ENO3: variants seen among roughly 807,000 people sequenced by gnomAD.
The protein encoded by ENO3 is beta-enolase.
ENO3 carries 46 observed loss-of-function variants against 47.7 expected under a neutral mutation model. The observed-to-expected ratio is 0.96, with a 90% CI of 0.76 to 1.23. The LOEUF (loss-of-function observed/expected upper bound fraction) is 1.23, where lower values mean the gene tolerates loss of function less well. Among genes scored for constraint, ENO3 ranks in the 50% most tolerant of loss-of-function variants. The pLI, the probability that ENO3 is intolerant of heterozygous loss-of-function variation, is 0.00. For synonymous variants in ENO3, 223 were observed against 225.9 expected (o/e 0.99, Z 0.11); for missense variants, 575 against 566.2 (o/e 1.02, Z -0.16).
intron 1 of ENO3, among the ~76,000 whole-genome samples, chr17:4,951,424 G>C (rs555076147): frequency 6.6e-6 from 1 of 152,154 alleles, no homozygotes; most frequent in Non-Finnish European, 1.5e-5. Flanking sequence ...GCTAGAGCTG[G>C]AACCTGATAG....
chr17:4,952,939 A>G (rs1446533640), intron 3 of ENO3, 49 bp downstream of exon 3: 1 of 1,610,314 alleles, frequency 6.2e-7, no homozygotes, highest in Non-Finnish European at 8.5e-7. Flanking sequence ...GCTTTAGGAC[A>G]TGGGTGCACA....
At chr17:4,953,937 A>G in intron 6 of ENO3, 92 bp downstream of exon 6, 2 of 1,590,306 alleles carry the variant, frequency 1.3e-6, no homozygotes, top group Admixed American at 3.4e-5. Flanking sequence ...TCCACCTTTC[A>G]GACCAGCTCC....
In ENO3 at chr17:4,952,248, C is replaced by T. The variant is rs555106562; in HGVS notation, c.85+334C>T. 6 of 388,122 alleles carry T rather than the reference C, an allele frequency of 1.5e-5. No individual in the cohort carries two copies. The Admixed American group carries it at 2.1e-4, about 14-fold the overall frequency. The allele number at this position is 388,122 out of a possible 1,614,324, so 24.0% of individuals were successfully genotyped here. A position where few individuals can be genotyped will look rare whatever the true frequency, so the allele number is the denominator to read the frequency against. ...CTGGAGTGCAGTGGTGCAATCTCAG[C>T]TCACTGCAACCTCTGCCTCCCGGGT... On this transcript the variant is annotated intron_variant, in intron 2 of 11. Coordinates refer to ENST00000519602, the MANE Select transcript of ENO3 (RefSeq NM_053013.4).
rs1218106205 is a variant in ENO3 at position 4,951,837 on chromosome 17, T to A, written c.8T>A (p.Met3Lys). The A allele has an allele frequency of 1.9e-6, 3 of 1,614,118 alleles. No individual in the cohort carries two copies. Among genetic ancestry groups the A allele is most frequent in the Non-Finnish European group, 2.5e-6 (3 of 1,179,982 alleles). ...ACCTCCTGTCCTGCAGCCATGGCCA[T>A]GCAGAAAATCTTTGCCCGGGAAATC... MA[M>K]QKIFAREILD... is the part of the protein sequence containing the mutation. Residue 3 changes from methionine (M) to lysine (K), a missense_variant, in exon 2 of 12, where the codon ATG (methionine) becomes AAG (lysine). By Grantham distance (95) the Met-to-Lys change is moderately conservative. Coordinates refer to ENST00000519602, the MANE Select transcript of ENO3 (RefSeq NM_053013.4).
chr17:4,954,675 G>A (rs767310300), intron 6 of ENO3, among the ~76,000 whole-genome samples: 11 of 152,196 alleles, frequency 7.2e-5, no homozygotes, highest in Admixed American at 2.0e-4. Context: ...AGCACTTCGG[G>A]AGGCCGAGGC....
At chr17:4,956,424 CTT>C in intron 9 of ENO3, 147 bp from the exon 10 acceptor site, 1 of 842,674 alleles carries the variant, frequency 1.2e-6, no homozygotes, top group South Asian at 1.4e-5. Context: ...CAAGATAAGT[CTT>C]TTCCTCTCCT....
At position 4,952,779 on chromosome 17, in the gene ENO3, A is replaced by G. The variant is rs747724047; in HGVS notation, c.86-16A>G. ...GCCCAGCCATCCCTGTGATCTTCCA[A>G]TTCCTCCTGTCCCAGGCCGATTCCG... On this transcript the variant is annotated splice_polypyrimidine_tract_variant and intron_variant, in intron 2 of 11. Coordinates refer to ENST00000519602, the MANE Select transcript of ENO3 (RefSeq NM_053013.4). The G allele has an allele frequency of 2.4e-5, 39 of 1,600,052 alleles. No individual in the cohort carries two copies. The highest frequency in any genetic ancestry group is 1.8e-4 in the South Asian group (16 of 89,218).
rs1409576141 is a variant in ENO3, at chr17:4,956,680, A to G, written c.1175A>G (p.Gln392Arg). ...ADLVVGLCTGQIKTGAPCRSE... is the reference protein window; with the variant it reads ...ADLVVGLCTGRIKTGAPCRSE... ...CTTGTGGTGGGGCTCTGCACAGGAC[A>G]GGTACTTGTAGCTTCTCTCTACTGA... The change falls in exon 10 of 12, where the codon CAG (glutamine) becomes CGG (arginine). Residue 392 changes from glutamine (Q) to arginine (R), a missense_variant and splice_region_variant. Coordinates refer to ENST00000519602, the MANE Select transcript of ENO3 (RefSeq NM_053013.4). 1 of 1,614,212 alleles carries G rather than the reference A, an allele frequency of 6.2e-7. No homozygotes were observed. Among genetic ancestry groups the G allele is most frequent in the Non-Finnish European group, 8.5e-7 (1 of 1,180,030 alleles).
rs777707393 is a variant in ENO3 at position 4,951,924 on chromosome 17, G to T, written c.85+10G>T. 1.9e-6 allele frequency: 3 copies of T among 1,614,084 alleles called. No homozygotes were observed. The highest frequency in any genetic ancestry group is 1.7e-5 in the Admixed American group (1 of 60,024). ...CTGCACACGGCCAAGGGTAACACAA[G>T]GCCCATTGGATAGGCTCGCCTCCGA... On this transcript the variant is annotated intron_variant, in intron 2 of 11. Transcript: ENST00000519602.
upstream of ENO3, chr17:4,950,690 G>A (rs1033311144): frequency 1.0e-6 from 1 of 983,836 alleles, no homozygotes; most frequent in Non-Finnish European, 1.2e-6. Flanking sequence ...TGAGGACAGA[G>A]GCCCGCCCAG....
In ENO3 at chr17:4,956,044, C is replaced by A; in HGVS notation, c.968C>A (p.Thr323Asn). The change falls in exon 9 of 12, where the codon ACC becomes AAC. Residue 323 changes from threonine to asparagine, a missense_variant. Thr to Asn is a moderately conservative substitution (Grantham distance 65, BLOSUM62 0). Transcript: ENST00000519602. ...IQIVGDDLTV[T>N]NPKRIAQAVE... ...ATTGTGGGGGATGACTTGACAGTCA[C>A]CAACCCCAAGAGGATTGCCCAGGCC... The A allele has an allele frequency of 6.2e-7, 1 of 1,614,072 alleles. No individual in the cohort carries two copies. The highest frequency in any genetic ancestry group is 8.5e-7 in the Non-Finnish European group (1 of 1,180,020).
At chr17:4,954,742 G>A (rs755854116) in intron 6 of ENO3, among the ~76,000 whole-genome samples, 5 of 151,904 alleles carry the variant, frequency 3.3e-5, no homozygotes, top group South Asian at 4.1e-4. Context: ...GTGAAACCCC[G>A]TCTCTACTAA....
Position 4,956,857 on chromosome 17 carries a change from G to A in ENO3, c.1203G>A (p.Ser401=), listed in dbSNP as rs1250186285. Reference sequence around the variant, plus strand: ...TCAAGACTGGCGCCCCCTGCCGCTCGGAGCGTCTGGCCAAATACAACCAAC... The same window carrying A: ...TCAAGACTGGCGCCCCCTGCCGCTCAGAGCGTCTGGCCAAATACAACCAAC... ...GQIKTGAPCR[S]ERLAKYNQLM... The change falls in exon 11 of 12, where the codon TCG becomes TCA. Residue 401 remains serine, a synonymous_variant. Coordinates refer to ENST00000519602, the MANE Select transcript of ENO3 (RefSeq NM_053013.4). 17 of 1,614,156 alleles carry A rather than the reference G, an allele frequency of 1.1e-5. No individual in the cohort carries two copies. Among genetic ancestry groups the A allele is most frequent in the South Asian group, 2.2e-5 (2 of 91,078 alleles).
Position 4,955,614 on chromosome 17 carries a change from TC to T in ENO3, c.865+11del. 8 of 1,614,218 alleles carry T rather than the reference TC, an allele frequency of 5.0e-6. No homozygotes were observed. The highest frequency in any genetic ancestry group is 6.8e-6 in the Non-Finnish European group (8 of 1,180,036). On this transcript the variant is annotated intron_variant, in intron 8 of 11. Transcript: ENST00000519602. Reference sequence around the variant, plus strand: ...ATCAAGAACTATCCTGGTGAGGCGTTCGGGTGTCCCAGTGTTCCTGCCCGAA... The same window carrying T: ...ATCAAGAACTATCCTGGTGAGGCGTTGGGTGTCCCAGTGTTCCTGCCCGAA...
chr17:4,952,636 G>A (rs1971576235), intron 2 of ENO3, among the ~76,000 whole-genome samples, 159 bp from the exon 3 acceptor site: 1 of 151,902 alleles, frequency 6.6e-6, no homozygotes, highest in African/African-American at 2.4e-5. Flanking sequence ...GCTAATTTTT[G>A]TATTTTTAGC....
intron 10 of ENO3, 70 bp from the exon 11 acceptor site, chr17:4,956,761 C>T: frequency 6.2e-7 from 1 of 1,613,846 alleles, no homozygotes; most frequent in Non-Finnish European, 8.5e-7. Flanking sequence ...GGTTAATGCT[C>T]CCTTGGGGCC....
At position 4,955,580 on chromosome 17, in the gene ENO3, A is replaced by G. The variant is rs1428117415; in HGVS notation, c.841A>G (p.Lys281Glu). 1.2e-6 allele frequency: 2 copies of G among 1,614,246 alleles called. No individual in the cohort carries two copies. The highest frequency in any genetic ancestry group is 1.1e-5 in the South Asian group (1 of 91,084). The change falls in exon 8 of 12, where the codon AAG (lysine) becomes GAG (glutamate). Residue 281 changes from lysine to glutamate, a missense_variant. By Grantham distance (56) the Lys-to-Glu change is moderately conservative (BLOSUM62 1). Coordinates refer to ENST00000519602, the MANE Select transcript of ENO3 (RefSeq NM_053013.4). Reference sequence around the variant, plus strand: ...TGGGGAGAAGCTCGGAGAGCTGTATAAGAGCTTTATCAAGAACTATCCTGG... The same window carrying G: ...TGGGGAGAAGCTCGGAGAGCTGTATGAGAGCTTTATCAAGAACTATCCTGG... ...ITGEKLGELYKSFIKNYPVVS... is the reference protein window; with the variant it reads ...ITGEKLGELYESFIKNYPVVS...
chr17:4,957,038 G>A lies in ENO3; in HGVS notation c.1296G>A (p.Lys432=). 6.2e-7 allele frequency: 1 copy of A among 1,614,166 alleles called. No homozygotes were observed. The highest frequency in any genetic ancestry group is 8.5e-7 in the Non-Finnish European group (1 of 1,180,026). The part of the protein sequence containing the change: ...IFAGRKFRNP[K]AK Reference sequence around the variant, plus strand: ...CTGGACGCAAGTTCCGTAACCCGAAGGCCAAGTGAGAAGCTGGAGGCTCCA... The same window carrying A: ...CTGGACGCAAGTTCCGTAACCCGAAAGCCAAGTGAGAAGCTGGAGGCTCCA... The change falls in exon 12 of 12, where the codon AAG becomes AAA. Residue 432 remains lysine, a synonymous_variant. Transcript: ENST00000519602.
chr17:4,954,123 C>A, intron 6 of ENO3: 1 of 546,460 alleles, frequency 1.8e-6, no homozygotes, highest in Non-Finnish European at 3.3e-6. Flanking sequence ...ACCCCACACC[C>A]TACACCCAAA....
Sources: allele counts gnomAD v4.1 joint callset (sites outside exome capture counted in the v4.1 genomes callset), GRCh38; gene constraint gnomAD v4.1.1; transcripts MANE v1.5; gene names NCBI Gene and HGNC (gene_info 2026-07-23, HGNC 2026-07-21).